The following ACER3 variants were observed in gnomAD, a reference collection of about 807,000 sequenced individuals.
The protein encoded by ACER3 is alkCDase 3.
ACER3 carries 16 observed loss-of-function variants against 48.9 expected under a neutral mutation model. The ratio of observed to expected loss-of-function variants is 0.33; its 90% CI spans 0.22 to 0.50. The LOEUF (loss-of-function observed/expected upper bound fraction) is 0.50, where lower values mean the gene tolerates loss of function less well. ACER3 is among the 20% of genes least tolerant of loss of function. The pLI, the probability that ACER3 is intolerant of heterozygous loss-of-function variation, is 0.98. For missense variants in ACER3, 227 were observed against 326.0 expected, an observed-to-expected ratio of 0.70 and a Z score of 2.34; for synonymous variants, 109 against 107.8, an observed-to-expected ratio of 1.01 and a Z score of -0.07.
intron 1 of ACER3, among the ~76,000 whole-genome samples, chr11:76,913,596 A>G (rs957056987): frequency 3.6e-4 from 55 of 152,294 alleles, no homozygotes; most frequent in African/African-American, 1.3e-3. Flanking sequence ...GGGTAGGAAG[A>G]ATCAATATCG....
intron 1 of ACER3, among the ~76,000 whole-genome samples, chr11:76,883,170 T>G (rs1215805349): frequency 6.6e-6 from 1 of 152,228 alleles, no homozygotes; most frequent in Non-Finnish European, 1.5e-5. Flanking sequence ...TTTGTCTGCT[T>G]CTTACACTCC....
At chr11:76,888,086 C>T (rs1945716567) in intron 1 of ACER3, among the ~76,000 whole-genome samples, 1 of 152,068 alleles carries the variant, frequency 6.6e-6, no homozygotes, top group Non-Finnish European at 1.5e-5. Context: ...TCCCAAAGTG[C>T]TGGAATTATA....
chr11:76,868,117 C>T, intron 1 of ACER3: 1 of 1,289,568 alleles, frequency 7.8e-7, no homozygotes, highest in Non-Finnish European at 1.0e-6. Flanking sequence ...TTCCTTTTCT[C>T]AGGTTCCTTC....
chr11:76,968,976 C>A (rs1948219045), intron 3 of ACER3, among the ~76,000 whole-genome samples: 1 of 152,050 alleles, frequency 6.6e-6, no homozygotes, highest in South Asian at 2.1e-4. Flanking sequence ...TTCTGCACAG[C>A]AAAAGAAACT....
chr11:76,997,644 T>C (rs1591049076), intron 6 of ACER3, among the ~76,000 whole-genome samples: 3 of 151,116 alleles, frequency 2.0e-5, no homozygotes, highest in Non-Finnish European at 1.5e-5. Flanking sequence ...CAGACTAGCC[T>C]GGGCAACATA....
Position 76,860,924 on chromosome 11 carries a change from A to C in ACER3, c.-53A>C. The stretch of plus-strand genomic sequence containing the variant: ...CTGGGCCGGAGCCGGCCTGGTCGCC[A>C]GCCTAACCCGGCACAGTGAGCGGAG... On this transcript the variant is annotated 5_prime_UTR_variant, in exon 1 of 11. Transcript: ENST00000532485. 1.5e-6 allele frequency: 2 copies of C among 1,316,496 alleles called. No homozygotes were observed. The highest frequency in any genetic ancestry group is 2.0e-6 in the Non-Finnish European group (2 of 992,710). The allele number at this position is 1,316,496 out of a possible 1,614,324, so 81.6% of individuals were successfully genotyped here.
At chr11:76,872,335 C>T (rs1311957616) in intron 1 of ACER3, among the ~76,000 whole-genome samples, 2 of 152,130 alleles carry the variant, frequency 1.3e-5, no homozygotes, top group African/African-American at 2.4e-5. Context: ...CTTGGGCTCT[C>T]AAAGTGCTGG....
chr11:76,945,046 T>C (rs1947438724), intron 2 of ACER3, among the ~76,000 whole-genome samples: 1 of 152,038 alleles, frequency 6.6e-6, no homozygotes, highest in Non-Finnish European at 1.5e-5. Context: ...GGATTTTTCA[T>C]TTCCAGAATT....
intron 3 of ACER3, among the ~76,000 whole-genome samples, chr11:76,967,878 G>A (rs1169478960): frequency 1.3e-5 from 2 of 152,050 alleles, no homozygotes; most frequent in African/African-American, 2.4e-5. Flanking sequence ...TTGAAAACTG[G>A]CACAAGACAG....
intron 7 of ACER3, among the ~76,000 whole-genome samples, chr11:77,003,998 T>C (rs781953058): frequency 6.6e-6 from 1 of 152,238 alleles, no homozygotes; most frequent in Non-Finnish European, 1.5e-5. Context: ...TATCTTGGCA[T>C]ATATTCCATG....
intron 1 of ACER3, among the ~76,000 whole-genome samples, chr11:76,904,017 C>T (rs755652534): frequency 6.6e-5 from 10 of 152,184 alleles, no homozygotes; most frequent in East Asian, 5.8e-4. Context: ...GATGAAGTCT[C>T]GCTCTGTCAC....
At chr11:76,963,954 C>A (rs1022382573) in intron 3 of ACER3, among the ~76,000 whole-genome samples, 3 of 151,366 alleles carry the variant, frequency 2.0e-5, no homozygotes, top group Non-Finnish European at 4.4e-5. Flanking sequence ...CTGGGGAGTG[C>A]CGGACATTGG....
chr11:76,863,454 A>G (rs1944992446), intron 1 of ACER3, among the ~76,000 whole-genome samples: 2 of 152,196 alleles, frequency 1.3e-5, no homozygotes, highest in Non-Finnish European at 2.9e-5. Context: ...CCCTTTGCGC[A>G]TGCACCTTGG....
At chr11:76,889,839 A>C (rs1945762758) in intron 1 of ACER3, among the ~76,000 whole-genome samples, 1 of 148,692 alleles carries the variant, frequency 6.7e-6, no homozygotes, top group Non-Finnish European at 1.5e-5. Flanking sequence ...TTCTAGGGGT[A>C]TTGTTTCTTT....
intron 7 of ACER3, among the ~76,000 whole-genome samples, chr11:76,999,378 T>TG (rs1948982517): frequency 1.4e-5 from 1 of 72,970 alleles, no homozygotes; most frequent in South Asian, 4.2e-4. Context: ...TTTGTGGGTT[T>TG]GTTTTTTTTT....
chr11:76,945,879 C>T (rs191962141), intron 2 of ACER3, among the ~76,000 whole-genome samples: 56 of 152,336 alleles, frequency 3.7e-4, no homozygotes, highest in South Asian at 1.2e-3. Context: ...TCCTCAGTCC[C>T]ACAGCTGCCT....
chr11:76,994,410 G>A (rs865815370), intron 6 of ACER3, among the ~76,000 whole-genome samples: 2 of 151,978 alleles, frequency 1.3e-5, no homozygotes, highest in East Asian at 1.9e-4. Flanking sequence ...GATTACAGGC[G>A]TGAGCCACCG....
chr11:76,935,301 A>G (rs546862759), intron 2 of ACER3, among the ~76,000 whole-genome samples: 14 of 152,294 alleles, frequency 9.2e-5, no homozygotes, highest in African/African-American at 2.9e-4. Flanking sequence ...GGCATGGGGG[A>G]AACCAGTGGA....
chr11:76,971,252 C>G (rs1948290954), intron 3 of ACER3, among the ~76,000 whole-genome samples: 1 of 151,994 alleles, frequency 6.6e-6, no homozygotes, highest in Non-Finnish European at 1.5e-5. Flanking sequence ...CTATAAAACA[C>G]ACTAATAGGC....
Sources: gnomAD v4.1 joint callset for allele counts (sites outside exome capture counted in the v4.1 genomes callset) on GRCh38, gnomAD v4.1.1 for gene constraint, MANE v1.5 for transcripts, NCBI Gene and HGNC (gene_info 2026-07-23, HGNC 2026-07-21) for gene names.